Variants in WLS observed in about 807,000 individuals in gnomAD.
WLS encodes Wnt ligand secretion mediator.
Under a neutral mutation model 62.8 loss-of-function variants are expected in WLS, and 23 were observed. The observed-to-expected ratio is 0.37, with a 90% CI of 0.26 to 0.52. The LOEUF (loss-of-function observed/expected upper bound fraction) is 0.52. WLS is among the 20% of genes least tolerant of loss of function. WLS has a pLI of 0.92. For synonymous variants in WLS, 246 were observed against 244.1 expected (o/e 1.01, Z -0.07); for missense variants, 615 against 697.3 (o/e 0.88, Z 1.33).
In WLS at chr1:68,229,851, C is replaced by T. The variant is rs1650331263; in HGVS notation, c.106+2343G>A. Among the ~76,000 whole-genome samples the T allele has an allele frequency of 2.6e-5, 4 of 152,200 alleles. No individual in the cohort carries two copies. The South Asian group carries it at 8.3e-4, about 32-fold the overall frequency. Reference sequence around the variant, plus strand: ...AAGCAGTAAACTTATACAGTTTCCTCCAAGAAGTGTTATACATAGATATTT... The same window carrying T: ...AAGCAGTAAACTTATACAGTTTCCTTCAAGAAGTGTTATACATAGATATTT... On this transcript the variant is annotated intron_variant, in intron 1 of 11. Coordinates refer to ENST00000262348, the MANE Select transcript of WLS (RefSeq NM_024911.7).
intron 10 of WLS, among the ~76,000 whole-genome samples, chr1:68,141,131 C>A (rs1325788368): frequency 6.6e-6 from 1 of 152,180 alleles, no homozygotes. Flanking sequence ...AAGGTCAAAT[C>A]TCTTTACACC....
intron 2 of WLS, among the ~76,000 whole-genome samples, chr1:68,168,173 C>CT (rs1362671543): frequency 9.2e-5 from 14 of 151,970 alleles, no homozygotes; most frequent in Admixed American, 6.6e-4. Context: ...AGGGCAGCTG[C>CT]TTAATGTAAG....
chr1:68,180,404 G>A (rs752581308), intron 2 of WLS, among the ~76,000 whole-genome samples: 4 of 152,110 alleles, frequency 2.6e-5, no homozygotes, highest in African/African-American at 7.2e-5. Context: ...AATGGGCAAA[G>A]CAAGATGTTG....
chr1:68,209,510 G>T (rs769864543), intron 1 of WLS, among the ~76,000 whole-genome samples: 1 of 152,210 alleles, frequency 6.6e-6, no homozygotes, highest in Non-Finnish European at 1.5e-5. Flanking sequence ...CGGGCACGTT[G>T]GCTCGTGCCT....
chr1:68,124,523 T>C (rs558517749), downstream of WLS, among the ~76,000 whole-genome samples: 1 of 148,828 alleles, frequency 6.7e-6, no homozygotes, highest in African/African-American at 2.5e-5. Flanking sequence ...GTCCTTTTCC[T>C]AACCCAGGGG....
intron 1 of WLS, among the ~76,000 whole-genome samples, chr1:68,199,529 A>G (rs1648882242): frequency 6.6e-6 from 1 of 152,162 alleles, no homozygotes; most frequent in South Asian, 2.1e-4. Context: ...TAAAACAATC[A>G]TATTTTCTGC....
chr1:68,226,274 C>T (rs1448481866), intron 1 of WLS, among the ~76,000 whole-genome samples: 2 of 152,010 alleles, frequency 1.3e-5, no homozygotes, highest in Non-Finnish European at 2.9e-5. Flanking sequence ...CTCTGATGTC[C>T]GATTGACTGG....
chr1:68,211,592 GT>G (rs1220047657), intron 1 of WLS, among the ~76,000 whole-genome samples: 1 of 152,194 alleles, frequency 6.6e-6, no homozygotes, highest in East Asian at 1.9e-4. Context: ...GCCCAAGGTC[GT>G]TCAGTAAATT....
At chr1:68,195,803 T>G (rs12568456) in intron 1 of WLS, among the ~76,000 whole-genome samples, 32,956 of 152,056 alleles carry the variant, frequency 0.22, 3,817 homozygotes, top group East Asian at 0.29. Context: ...ATTTATTTTT[T>G]GCAATTTCAT....
intron 1 of WLS, among the ~76,000 whole-genome samples, chr1:68,209,482 T>C (rs1344281923): frequency 1.3e-5 from 2 of 152,214 alleles, no homozygotes; most frequent in South Asian, 2.1e-4. Flanking sequence ...TTCATTCTTA[T>C]ACAGAAGTAA....
At chr1:68,145,125 TAA>T (rs1646735673) in intron 9 of WLS, among the ~76,000 whole-genome samples, 1 of 152,222 alleles carries the variant, frequency 6.6e-6, no homozygotes, top group Non-Finnish European at 1.5e-5. Context: ...TGTGGTTTCC[TAA>T]GAGCAGGATT....
At chr1:68,162,636 C>G in intron 2 of WLS, 3 of 1,254,574 alleles carry the variant, frequency 2.4e-6, no homozygotes, top group Non-Finnish European at 2.3e-6. Context: ...GTGCTTGGTA[C>G]AGCCATGTGT....
At chr1:68,230,803 G>A (rs1241599047) in intron 1 of WLS, among the ~76,000 whole-genome samples, 2 of 152,120 alleles carry the variant, frequency 1.3e-5, no homozygotes, top group Non-Finnish European at 2.9e-5. Context: ...AAGACAATTG[G>A]CTTGGATGTT....
chr1:68,141,640 A>G (rs1045427042), intron 10 of WLS: 14 of 152,144 alleles, frequency 9.2e-5, no homozygotes, highest in Non-Finnish European at 4.4e-5. Flanking sequence ...ATGAGGCTTA[A>G]ATGCAAGCTC....
chr1:68,212,957 C>A (rs543530822), intron 1 of WLS, among the ~76,000 whole-genome samples: 178 of 152,176 alleles, frequency 1.2e-3, no homozygotes, highest in African/African-American at 4.2e-3. Flanking sequence ...TTTAGCTAAG[C>A]GCTAAGATAT....
Position 68,154,029 on chromosome 1 carries a change from A to G in WLS, c.667-376T>C, listed in dbSNP as rs139875303. On this transcript the variant is annotated intron_variant, in intron 4 of 11. Transcript: ENST00000262348. ...ATCCCACTGATATTAAAATGCTAAT[A>G]CCTAAAGATACACTTTAGAGGTACG... is the stretch of plus-strand genomic sequence containing the variant. Among the ~76,000 whole-genome samples the G allele has an allele frequency of 6.2e-4, 95 of 152,216 alleles. 2 individuals carry two copies. In the East Asian group the frequency reaches 0.014, roughly 22 times the overall value.
intron 2 of WLS, chr1:68,163,206 ACACAC>A: frequency 6.0e-6 from 4 of 669,920 alleles, no homozygotes; most frequent in East Asian, 2.6e-5. Context: ...ATAAATCTGT[ACACAC>A]TATAAATCTG....
intron 2 of WLS, among the ~76,000 whole-genome samples, chr1:68,192,762 G>A (rs1648388027): frequency 4.3e-5 from 1 of 23,422 alleles, no homozygotes; most frequent in Non-Finnish European, 7.9e-5. Flanking sequence ...AGGAGACTCT[G>A]TCTCTTAAAA....
exon 12 of WLS, chr1:68,098,481 A>G (rs1646035852): frequency 1.6e-6 from 2 of 1,263,460 alleles, no homozygotes; most frequent in East Asian, 2.5e-5. Context: ...GACAATACTC[A>G]AAGAATATTT....
Sources: allele counts gnomAD v4.1 joint callset (sites outside exome capture counted in the v4.1 genomes callset), GRCh38; gene constraint gnomAD v4.1.1; transcripts MANE v1.5; gene names NCBI Gene and HGNC (gene_info 2026-07-23, HGNC 2026-07-21).